Variants in RBMS3 observed in about 807,000 individuals in gnomAD.
The protein encoded by RBMS3 is RNA-binding motif, single-stranded-interacting protein 3.
Under a neutral mutation model 66.8 loss-of-function variants are expected in RBMS3, and 27 were observed. That is an observed-to-expected ratio of 0.40 (90% CI 0.30 to 0.56). RBMS3 has a LOEUF of 0.56. Ranked by LOEUF, RBMS3 falls within the 20% of genes least tolerant of loss-of-function variation. RBMS3 has a pLI of 0.40. For missense variants in RBMS3, 513 were observed against 549.5 expected, an observed-to-expected ratio of 0.93 and a Z score of 0.66; for synonymous variants, 188 against 183.0, an observed-to-expected ratio of 1.03 and a Z score of -0.22.
intron 6 of RBMS3, among the ~76,000 whole-genome samples, chr3:29,769,785 CT>C (rs2056117491): frequency 6.6e-6 from 1 of 151,752 alleles, no homozygotes; most frequent in South Asian, 2.1e-4. Context: ...TTTTAATGAA[CT>C]TTCTGAAGGT....
chr3:29,515,719 T>G (rs1484216155), intron 3 of RBMS3, among the ~76,000 whole-genome samples: 1 of 152,222 alleles, frequency 6.6e-6, no homozygotes, highest in Non-Finnish European at 1.5e-5. Flanking sequence ...TACCTTTCAC[T>G]TCCTGCCTTT....
chr3:29,538,640 T>C (rs866123771), intron 3 of RBMS3, among the ~76,000 whole-genome samples: 2 of 152,222 alleles, frequency 1.3e-5, no homozygotes, highest in Non-Finnish European at 2.9e-5. Context: ...TTCCAAATTA[T>C]AAGCTTTGGA....
intron 6 of RBMS3, among the ~76,000 whole-genome samples, chr3:29,815,228 T>C (rs1279596898): frequency 6.6e-6 from 1 of 152,208 alleles, no homozygotes; most frequent in African/African-American, 2.4e-5. Flanking sequence ...TTTAAGATCA[T>C]TCCTACATTT....
intron 1 of RBMS3, among the ~76,000 whole-genome samples, chr3:29,326,708 AT>A (rs1250504781): frequency 1.3e-5 from 2 of 148,392 alleles, no homozygotes; most frequent in African/African-American, 2.5e-5. Flanking sequence ...TTATTGAGTA[AT>A]GCTTCAGTCT....
chr3:29,971,885 T>TA (rs796728754), intron 12 of RBMS3, among the ~76,000 whole-genome samples: 5 of 151,080 alleles, frequency 3.3e-5, no homozygotes, highest in African/African-American at 1.2e-4. Context: ...GTAGGTGGAT[T>TA]AAAAAAAAAG....
At chr3:29,355,490 A>G (rs1294722784) in intron 1 of RBMS3, among the ~76,000 whole-genome samples, 1 of 151,948 alleles carries the variant, frequency 6.6e-6, no homozygotes, top group Non-Finnish European at 1.5e-5. Context: ...TATCTTTGGA[A>G]CTTCCTAACA....
intron 4 of RBMS3, among the ~76,000 whole-genome samples, chr3:29,718,161 T>C (rs1005417015): frequency 1.3e-5 from 2 of 152,090 alleles, no homozygotes; most frequent in Non-Finnish European, 1.5e-5. Context: ...ATAATTGTAA[T>C]GATAAAAATA....
At chr3:29,785,169 A>G (rs1027058152) in intron 6 of RBMS3, among the ~76,000 whole-genome samples, 4 of 152,086 alleles carry the variant, frequency 2.6e-5, no homozygotes, top group African/African-American at 7.2e-5. Flanking sequence ...CAATCTATAA[A>G]GCCAGTATCA....
intron 1 of RBMS3, among the ~76,000 whole-genome samples, chr3:29,406,734 CAT>C (rs1426529553): frequency 3.3e-5 from 5 of 152,242 alleles, no homozygotes; most frequent in Admixed American, 1.3e-4. Flanking sequence ...CATACACAAA[CAT>C]ATATTTATAG....
chr3:29,496,913 G>T (rs566639545), intron 3 of RBMS3, among the ~76,000 whole-genome samples: 4 of 152,254 alleles, frequency 2.6e-5, no homozygotes, highest in Admixed American at 2.6e-4. Flanking sequence ...CATCAGCATT[G>T]CTGTTTTAAG....
intron 5 of RBMS3, among the ~76,000 whole-genome samples, chr3:29,752,275 A>T (rs1389463405): frequency 6.6e-6 from 1 of 152,078 alleles, no homozygotes; most frequent in Admixed American, 6.6e-5. Flanking sequence ...TCTTTCTAAT[A>T]TCCAGCTGGT....
At chr3:29,439,458 G>A (rs2041529049) in intron 2 of RBMS3, among the ~76,000 whole-genome samples, 8 of 152,136 alleles carry the variant, frequency 5.3e-5, no homozygotes, top group Admixed American at 4.6e-4. Flanking sequence ...TATGTGTGGT[G>A]AAAGATTTTG....
At chr3:29,348,372 C>A (rs188776758) in intron 1 of RBMS3, among the ~76,000 whole-genome samples, 1 of 152,100 alleles carries the variant, frequency 6.6e-6, no homozygotes, top group African/African-American at 2.4e-5. Context: ...ATAATCGATG[C>A]AGGTGGGGTT....
At chr3:29,539,962 T>C (rs2045698700) in intron 3 of RBMS3, among the ~76,000 whole-genome samples, 1 of 152,218 alleles carries the variant, frequency 6.6e-6, no homozygotes, top group South Asian at 2.1e-4. Context: ...GCAATACTTA[T>C]CATTCAAACA....
At chr3:29,852,503 T>G (rs553491441) in intron 6 of RBMS3, among the ~76,000 whole-genome samples, 3 of 152,258 alleles carry the variant, frequency 2.0e-5, no homozygotes, top group African/African-American at 7.2e-5. Context: ...GCAAAGGACA[T>G]GAATAGATCC....
chr3:29,403,309 G>A (rs1440303769), intron 1 of RBMS3, among the ~76,000 whole-genome samples: 2 of 151,994 alleles, frequency 1.3e-5, no homozygotes, highest in East Asian at 3.8e-4. Flanking sequence ...ATAGATGGAC[G>A]TATTTCTTGG....
intron 3 of RBMS3, among the ~76,000 whole-genome samples, chr3:29,582,049 A>T (rs2047345620): frequency 6.6e-6 from 1 of 152,196 alleles, no homozygotes; most frequent in South Asian, 2.1e-4. Context: ...GCAGTGGTTC[A>T]ACTGAATGGC....
At chr3:29,910,374 C>A (rs865866943) in intron 10 of RBMS3, among the ~76,000 whole-genome samples, 4 of 151,980 alleles carry the variant, frequency 2.6e-5, no homozygotes, top group Middle Eastern at 3.2e-3. Flanking sequence ...CACATTGGAA[C>A]AAAATGTCCA....
chr3:29,639,002 A>C (rs143860956), intron 4 of RBMS3, among the ~76,000 whole-genome samples: 20 of 151,898 alleles, frequency 1.3e-4, no homozygotes, highest in African/African-American at 4.8e-4. Flanking sequence ...TTAAGAGTTA[A>C]AAGTTTCTTT....
Sources: gnomAD v4.1 joint callset for allele counts (sites outside exome capture counted in the v4.1 genomes callset) on GRCh38, gnomAD v4.1.1 for gene constraint, MANE v1.5 for transcripts, NCBI Gene and HGNC (gene_info 2026-07-23, HGNC 2026-07-21) for gene names.